The following KRT40 variants were observed in gnomAD, a reference collection of about 807,000 sequenced individuals.
KRT40 encodes keratin 40, also known as keratin, type I cytoskeletal 40.
Under a neutral mutation model 43.5 loss-of-function variants are expected in KRT40, and 47 were observed. The observed-to-expected ratio is 1.08, with a 90% CI of 0.86 to 1.38. The LOEUF (loss-of-function observed/expected upper bound fraction) is 1.38. Among genes scored for constraint, KRT40 ranks in the 40% most tolerant of loss-of-function variants. KRT40 has a pLI of 0.00. For missense variants in KRT40, 573 were observed against 523.6 expected, an observed-to-expected ratio of 1.09 and a Z score of -0.92; for synonymous variants, 212 against 214.0, an observed-to-expected ratio of 0.99 and a Z score of 0.08.
At chr17:40,979,580 T>A (rs1192507528) in intron 5 of KRT40, among the ~76,000 whole-genome samples, 1 of 151,934 alleles carries the variant, frequency 6.6e-6, no homozygotes, top group Admixed American at 6.6e-5. Context: ...ACGTGTCAAC[T>A]ATCACTACCA....
At chr17:40,979,053 C>G (rs1457780583) in intron 5 of KRT40, 29 bp from the exon 6 acceptor site, 1 of 1,564,590 alleles carries the variant, frequency 6.4e-7, no homozygotes, top group Non-Finnish European at 8.8e-7. Flanking sequence ...TCCAAAGGAC[C>G]ATGAAGTGCA....
At position 40,980,832 on chromosome 17, in the gene KRT40, G is replaced by C; in HGVS notation, c.928C>G (p.Arg310Gly). The change falls in exon 5 of 7, where the codon CGC becomes GGC. Residue 310 changes from arginine (R) to glycine (G), a missense_variant. Arg to Gly is a moderately radical substitution (Grantham distance 125). Transcript: ENST00000377755. The part of the protein sequence containing the change: ...GCQMEILELK[R>G]TASALEIELQ... ...TCAATTTCCAGAGCACTGGCTGTGC[G>C]TTTCAGTTCCAAGATCTCCATCTGG... 6.2e-7 allele frequency: 1 copy of C among 1,612,794 alleles called. No homozygotes were observed. The highest frequency in any genetic ancestry group is 8.5e-7 in the Non-Finnish European group (1 of 1,179,920).
Position 40,978,121 on chromosome 17 carries a change from G to A in KRT40, c.*76C>T. The A allele has an allele frequency of 9.1e-7, 1 of 1,096,018 alleles. No individual in the cohort carries two copies. 67.9% of individuals were successfully genotyped at this position (1,096,018 alleles called of 1,614,324 possible). A position where few individuals can be genotyped will look rare whatever the true frequency, so the allele number is the denominator to read the frequency against. On this transcript the variant is annotated 3_prime_UTR_variant, in exon 7 of 7. Transcript: ENST00000377755. Reference sequence around the variant, plus strand: ...CTCCTGGATTTGTGCTTCCGGTTTGGATGTCCCTGGTTGAAGCCCCATCTC... The same window carrying A: ...CTCCTGGATTTGTGCTTCCGGTTTGAATGTCCCTGGTTGAAGCCCCATCTC...
In KRT40 at chr17:40,977,948, C is replaced by T. The variant is rs1319333543; in HGVS notation, c.*249G>A. The T allele has an allele frequency of 2.5e-6, 1 of 401,612 alleles. No homozygotes were observed. The highest frequency in any genetic ancestry group is 4.5e-6 in the Non-Finnish European group (1 of 219,958). The allele number at this position is 401,612 out of a possible 1,614,324, so 24.9% of individuals were successfully genotyped here. A position where few individuals can be genotyped will look rare whatever the true frequency, so the allele number is the denominator to read the frequency against. On this transcript the variant is annotated 3_prime_UTR_variant, in exon 7 of 7. Transcript: ENST00000377755. ...TAATCAGCCATAGAGCTATATTTAC[C>T]ACGCTAAAGGAATAAAACACGTTTT...
rs770188887 is a variant in KRT40, at chr17:40,980,981, G to T, written c.849+9C>A. 1.2e-6 allele frequency: 2 copies of T among 1,613,706 alleles called. No individual in the cohort carries two copies. Among genetic ancestry groups the T allele is most frequent in the African/African-American group, 1.3e-5 (1 of 74,958 alleles). ...GTAAGCCTGACATTTTTTCAATCTG[G>T]GTACTGACCTGAACAGCCAACCATT... On this transcript the variant is annotated intron_variant, in intron 4 of 6. Coordinates refer to ENST00000377755, the MANE Select transcript of KRT40 (RefSeq NM_001389244.1).
At chr17:40,982,923 A>G (rs901483801) in intron 2 of KRT40, 123 bp downstream of exon 2, 1 of 517,890 alleles carries the variant, frequency 1.9e-6, no homozygotes, top group African/African-American at 2.0e-5. Context: ...CAGGAGAACC[A>G]CTTGAACCCA....
intron 5 of KRT40, among the ~76,000 whole-genome samples, chr17:40,979,690 G>A (rs1048214318): frequency 2.0e-5 from 3 of 152,116 alleles, no homozygotes; most frequent in Non-Finnish European, 2.9e-5. Flanking sequence ...GCAGGGAGGG[G>A]TAGTATAGTG....
rs369812233 is a variant in KRT40 at position 40,982,421 on chromosome 17, G to A, written c.573C>T (p.Asp191=). The part of the protein sequence containing the change: ...ELSLRQLLEA[D]ISSLHGILEE... Reference sequence around the variant, plus strand: ...CCAGGATCCCATGCAGGCTGCTGATGTCAGCCTCTAACAGCTGGCGAAGGG... The same window carrying A: ...CCAGGATCCCATGCAGGCTGCTGATATCAGCCTCTAACAGCTGGCGAAGGG... The change falls in exon 3 of 7, where the codon GAC becomes GAT. Residue 191 remains aspartate, a synonymous_variant. Coordinates refer to ENST00000377755, the MANE Select transcript of KRT40 (RefSeq NM_001389244.1). 2 of 1,608,468 alleles carry A rather than the reference G, an allele frequency of 1.2e-6. No individual in the cohort carries two copies. Among genetic ancestry groups the A allele is most frequent in the South Asian group, 1.1e-5 (1 of 90,178 alleles).
upstream of KRT40, chr17:40,986,171 C>T (rs1426245495): frequency 6.6e-6 from 1 of 152,292 alleles, no homozygotes; most frequent in Non-Finnish European, 1.5e-5. Flanking sequence ...CAGAGGAAAG[C>T]AAGTTAGTGG....
At chr17:40,986,245 A>AT (rs1287208502), upstream of KRT40, 1 of 142,606 alleles carries the variant, frequency 7.0e-6, no homozygotes, top group Non-Finnish European at 1.5e-5. Context: ...TGATAAATAA[A>AT]TAAAAAAAAC....
chr17:40,980,060 G>A (rs34626897), intron 5 of KRT40, among the ~76,000 whole-genome samples: 58,106 of 152,034 alleles, frequency 0.38, 13,433 homozygotes, highest in African/African-American at 0.66. Context: ...TAAAAAGAGA[G>A]AGAGAAGAGA....
At chr17:40,984,598 A>G (rs113180280), upstream of KRT40, among the ~76,000 whole-genome samples, 6,357 of 152,284 alleles carry the variant, frequency 0.042, 474 homozygotes, top group African/African-American at 0.14. Context: ...ATAATAAAAG[A>G]AAGAGAAAAT....
rs992211902 is a variant in KRT40 at position 40,977,951 on chromosome 17, G to A, written c.*246C>T. On this transcript the variant is annotated 3_prime_UTR_variant, in exon 7 of 7. Coordinates refer to ENST00000377755, the MANE Select transcript of KRT40 (RefSeq NM_001389244.1). ...TCAGCCATAGAGCTATATTTACCAC[G>A]CTAAAGGAATAAAACACGTTTTATT... The A allele has an allele frequency of 1.9e-5, 8 of 425,360 alleles. No homozygotes were observed. The highest frequency in any genetic ancestry group is 3.0e-5 in the Non-Finnish European group (7 of 233,098). The allele number at this position is 425,360 out of a possible 1,614,324, so 26.3% of individuals were successfully genotyped here.
In KRT40 at chr17:40,980,777, T is replaced by C; in HGVS notation, c.975+8A>G. On this transcript the variant is annotated splice_region_variant and intron_variant, in intron 5 of 6. Transcript: ENST00000377755. ...TGACACAACGGACACTGCCTTTGCCTCACGCACCAGGCTTTGCTGTGCTTG... is the reference window on the plus strand; with the variant it reads ...TGACACAACGGACACTGCCTTTGCCCCACGCACCAGGCTTTGCTGTGCTTG... The C allele has an allele frequency of 1.3e-6, 2 of 1,588,562 alleles. No individual in the cohort carries two copies. Among genetic ancestry groups the C allele is most frequent in the Non-Finnish European group, 1.7e-6 (2 of 1,172,548 alleles).
In KRT40 at chr17:40,981,043, C is replaced by T; in HGVS notation, c.796G>A (p.Glu266Lys). The part of the protein sequence containing the change: ...RVLDEMRCQC[E>K]TVLANNRREA... ...CTGCGATTGTTGGCAAGCACCGTTT[C>T]ACACTGACAGCGCATCTCATCCAGG... Residue 266 changes from glutamate to lysine, a missense_variant, in exon 4 of 7, where the codon GAA becomes AAA. By Grantham distance (56) the Glu-to-Lys change is moderately conservative (BLOSUM62 1). Transcript: ENST00000377755. 1 of 1,614,252 alleles carries T rather than the reference C, an allele frequency of 6.2e-7. No homozygotes were observed. Among genetic ancestry groups the T allele is most frequent in the South Asian group, 1.1e-5 (1 of 91,088 alleles).
upstream of KRT40, among the ~76,000 whole-genome samples, chr17:40,986,743 A>AC (rs1165100362): frequency 1.3e-5 from 2 of 151,500 alleles, no homozygotes; most frequent in Non-Finnish European, 2.9e-5. Context: ...AAAAAAAAAA[A>AC]CCGACAACAA....
chr17:40,982,512 CAA>C (rs1912226969), intron 2 of KRT40, 49 bp from the exon 3 acceptor site: 1 of 1,459,412 alleles, frequency 6.9e-7, no homozygotes, highest in African/African-American at 1.4e-5. Flanking sequence ...GAACGCTGTG[CAA>C]AGTGTGGGGA....
chr17:40,983,057 G>T lies in KRT40; in HGVS notation c.519C>A (p.Asp173Glu). The T allele has an allele frequency of 7.4e-7, 1 of 1,351,488 alleles. No homozygotes were observed. Among genetic ancestry groups the T allele is most frequent in the Non-Finnish European group, 1.1e-6 (1 of 949,602 alleles). 83.7% of individuals were successfully genotyped at this position (1,351,488 alleles called of 1,614,324 possible). A position where few individuals can be genotyped will look rare whatever the true frequency, so the allele number is the denominator to read the frequency against. Residue 173 changes from aspartate (D) to glutamate (E), a missense_variant, in exon 2 of 7, where the codon GAC (aspartate) becomes GAA (glutamate). Transcript: ENST00000377755. ...TAAATTAAACTTACTTTGACTTAAA[G>T]TCATCAGTGGCCAGTTTGCAGTTGT... ...QLDNCKLATDDFKSKYESELS... is the reference protein window; with the variant it reads ...QLDNCKLATDEFKSKYESELS...
chr17:40,980,528 G>C (rs192120192), intron 5 of KRT40, among the ~76,000 whole-genome samples: 1 of 152,170 alleles, frequency 6.6e-6, no homozygotes, highest in African/African-American at 2.4e-5. Flanking sequence ...ACCATGGCCC[G>C]GAGGTTTCTC....
Sources: gnomAD v4.1 joint callset for allele counts (sites outside exome capture counted in the v4.1 genomes callset) on GRCh38, gnomAD v4.1.1 for gene constraint, MANE v1.5 for transcripts, NCBI Gene and HGNC (gene_info 2026-07-23, HGNC 2026-07-21) for gene names.